The following MAP2 variants were observed in gnomAD, a reference collection of about 807,000 sequenced individuals.
MAP2 encodes the protein microtubule associated protein 2.
A neutral mutation model predicts 137.6 loss-of-function variants in MAP2; 14 were observed. The ratio of observed to expected loss-of-function variants is 0.10; its 90% CI spans 0.07 to 0.16. The LOEUF (loss-of-function observed/expected upper bound fraction) is 0.16, where lower values mean the gene tolerates loss of function less well. MAP2 is among the 10% of genes least tolerant of loss of function. MAP2 has a pLI of 1.00. For missense variants in MAP2, 2,088 were observed against 2,191.5 expected, an observed-to-expected ratio of 0.95 and a Z score of 0.94; for synonymous variants, 786 against 782.3, an observed-to-expected ratio of 1.00 and a Z score of -0.08.
At chr2:209,704,167 G>C in intron 11 of MAP2, 8 of 397,660 alleles carry the variant, frequency 2.0e-5, no homozygotes, top group South Asian at 1.7e-4. Flanking sequence ...CTTTATGTCC[G>C]TGTGTACCCA....
intron 2 of MAP2, among the ~76,000 whole-genome samples, chr2:209,568,540 T>C (rs2073874706): frequency 6.6e-6 from 1 of 151,958 alleles, no homozygotes; most frequent in South Asian, 2.1e-4. Flanking sequence ...GTGAAGTTGC[T>C]GAAGACTGAA....
At chr2:209,652,490 T>G (rs142869345) in intron 4 of MAP2, among the ~76,000 whole-genome samples, 4 of 152,314 alleles carry the variant, frequency 2.6e-5, no homozygotes, top group African/African-American at 9.6e-5. Context: ...TTTTTTATTA[T>G]ACTTTAAGTT....
At chr2:209,626,008 T>C (rs2092254145) in intron 4 of MAP2, among the ~76,000 whole-genome samples, 1 of 152,334 alleles carries the variant, frequency 6.6e-6, no homozygotes, top group South Asian at 2.1e-4. Flanking sequence ...TTAGTTTTTT[T>C]AAATTAGAAG....
At chr2:209,527,274 T>A (rs1352063673) in intron 2 of MAP2, among the ~76,000 whole-genome samples, 2 of 152,194 alleles carry the variant, frequency 1.3e-5, no homozygotes, top group Admixed American at 6.5e-5. Context: ...ATATCTGATA[T>A]ATTTTTTTGT....
intron 4 of MAP2, among the ~76,000 whole-genome samples, chr2:209,647,483 G>T (rs762110484): frequency 1.3e-5 from 2 of 152,278 alleles, no homozygotes; most frequent in Non-Finnish European, 2.9e-5. Flanking sequence ...ATTTCAACTT[G>T]AAATTTAAGC....
intron 1 of MAP2, among the ~76,000 whole-genome samples, chr2:209,433,115 A>G (rs1694772790): frequency 6.6e-6 from 1 of 152,160 alleles, no homozygotes; most frequent in Admixed American, 6.6e-5. Context: ...TGTGGAAAAT[A>G]TCAGAAGAAA....
chr2:209,459,667 T>C (rs1702301400), intron 1 of MAP2, among the ~76,000 whole-genome samples: 1 of 152,230 alleles, frequency 6.6e-6, no homozygotes, highest in Non-Finnish European at 1.5e-5. Flanking sequence ...TCTGAGGTGC[T>C]TTTCTACTGC....
intron 2 of MAP2, among the ~76,000 whole-genome samples, chr2:209,575,476 G>C (rs1314588985): frequency 2.3e-5 from 3 of 132,350 alleles, no homozygotes; most frequent in Non-Finnish European, 4.6e-5. Context: ...AGCCGAGATC[G>C]CGCCACTGCA....
intron 3 of MAP2, among the ~76,000 whole-genome samples, chr2:209,611,954 A>T (rs1297201387): frequency 2.0e-5 from 3 of 152,154 alleles, no homozygotes; most frequent in African/African-American, 7.2e-5. Context: ...GTGTATCACT[A>T]CCAAAAATAA....
intron 4 of MAP2, among the ~76,000 whole-genome samples, chr2:209,634,685 G>A (rs544468623): frequency 2.0e-5 from 3 of 152,260 alleles, no homozygotes; most frequent in Admixed American, 1.3e-4. Context: ...AGCAGTCTCT[G>A]TTATACCAAG....
chr2:209,629,908 G>T (rs2092799776), intron 4 of MAP2, among the ~76,000 whole-genome samples: 1 of 152,290 alleles, frequency 6.6e-6, no homozygotes, highest in African/African-American at 2.4e-5. Flanking sequence ...TGGGCAGATT[G>T]TTTGGGCTGG....
At chr2:209,426,666 C>T (rs1692664919) in intron 1 of MAP2, among the ~76,000 whole-genome samples, 1 of 152,208 alleles carries the variant, frequency 6.6e-6, no homozygotes, top group South Asian at 2.1e-4. Flanking sequence ...GCACACCCAT[C>T]TCAGGGCAAA....
chr2:209,665,869 A>G (rs1280168052), intron 5 of MAP2, among the ~76,000 whole-genome samples: 1 of 152,066 alleles, frequency 6.6e-6, no homozygotes, highest in African/African-American at 2.4e-5. Flanking sequence ...TTTTCCTTTG[A>G]CATATTTGAA....
intron 4 of MAP2, among the ~76,000 whole-genome samples, chr2:209,652,089 G>C (rs891060459): frequency 4.6e-5 from 7 of 152,116 alleles, no homozygotes; most frequent in African/African-American, 1.7e-4. Flanking sequence ...CATCAATAAG[G>C]CTGCATGGTG....
rs761630531 is a variant in MAP2, at chr2:209,710,015, C to T, written c.4834C>T (p.Arg1612Cys). The T allele has an allele frequency of 1.2e-5, 20 of 1,613,904 alleles. No individual in the cohort carries two copies. The highest frequency in any genetic ancestry group is 8.9e-5 in the East Asian group (4 of 44,866). The change falls in exon 13 of 16, where the codon CGC (arginine) becomes TGC (cysteine). Residue 1612 changes from arginine (R) to cysteine (C), a missense_variant. Transcript: ENST00000682079. ...TGGCACCCCACCAAGTTATTCTTCA[C>T]GCACACCAGGCACTCCTGGAACCCC... ...TPGTPPSYSSRTPGTPGTPSY... is the reference protein window; with the variant it reads ...TPGTPPSYSSCTPGTPGTPSY...
At chr2:209,651,660 T>C (rs913443807) in intron 4 of MAP2, among the ~76,000 whole-genome samples, 1 of 152,172 alleles carries the variant, frequency 6.6e-6, no homozygotes, top group Non-Finnish European at 1.5e-5. Context: ...CAATCAATGT[T>C]TTAAAACCTA....
At chr2:209,627,027 G>T (rs1162316331) in intron 4 of MAP2, among the ~76,000 whole-genome samples, 3 of 151,702 alleles carry the variant, frequency 2.0e-5, no homozygotes, top group African/African-American at 7.3e-5. Flanking sequence ...GGTTTGTAAG[G>T]ATCTTACTAA....
chr2:209,595,672 G>A (rs1003904064), intron 3 of MAP2, among the ~76,000 whole-genome samples: 5 of 152,066 alleles, frequency 3.3e-5, no homozygotes, highest in East Asian at 1.9e-4. Flanking sequence ...TGTTTATTGC[G>A]GCCCTATTCA....
intron 13 of MAP2, chr2:209,723,562 AT>A (rs936684098): frequency 1.6e-6 from 2 of 1,285,410 alleles, no homozygotes; most frequent in African/African-American, 2.9e-5. Context: ...TGATAGAAAA[AT>A]GCACAGTGAA....
Sources: allele counts gnomAD v4.1 joint callset (sites outside exome capture counted in the v4.1 genomes callset), GRCh38; gene constraint gnomAD v4.1.1; transcripts MANE v1.5; gene names NCBI Gene and HGNC (gene_info 2026-07-23, HGNC 2026-07-21).